Variants in C8orf34 observed in about 807,000 individuals in gnomAD.
The protein encoded by C8orf34 is chromosome 8 open reading frame 34, also known as uncharacterized protein C8orf34.
C8orf34 carries 65 observed loss-of-function variants against 68.3 expected under a neutral mutation model. The observed-to-expected ratio is 0.95, with a 90% CI of 0.78 to 1.17. The LOEUF is 1.17. C8orf34 is among the 50% of genes most tolerant of loss of function. The probability of loss-of-function intolerance (pLI) is 0.00; values close to 1 mark genes in which losing one functional copy is unlikely to be tolerated. For missense variants in C8orf34, 664 were observed against 655.4 expected (o/e 1.01, Z -0.14); for synonymous variants, 244 against 241.2 (o/e 1.01, Z -0.11).
At chr8:68,686,410 A>G (rs1277715858) in intron 8 of C8orf34, among the ~76,000 whole-genome samples, 1 of 152,158 alleles carries the variant, frequency 6.6e-6, no homozygotes, top group Non-Finnish European at 1.5e-5. Context: ...CAAATCCAAG[A>G]GCACATAAAA....
intron 11 of C8orf34, among the ~76,000 whole-genome samples, chr8:68,782,076 AAC>A (rs1161699721): frequency 6.6e-6 from 1 of 152,358 alleles, no homozygotes; most frequent in Non-Finnish European, 1.5e-5. Context: ...TTAAATTAAA[AAC>A]ACTTTTTCAT....
chr8:68,434,247 T>G (rs560653524), intron 1 of C8orf34, among the ~76,000 whole-genome samples: 8 of 152,322 alleles, frequency 5.3e-5, no homozygotes, highest in Admixed American at 2.6e-4. Flanking sequence ...ATGTAGGTTT[T>G]AAGTCCCGCA....
chr8:68,655,882 A>G (rs1819498067), intron 8 of C8orf34, among the ~76,000 whole-genome samples: 1 of 152,306 alleles, frequency 6.6e-6, no homozygotes, highest in South Asian at 2.1e-4. Context: ...GGCACTGGTA[A>G]TTATGCTGAA....
chr8:68,591,828 T>A (rs1367138724), intron 7 of C8orf34, among the ~76,000 whole-genome samples: 2 of 152,166 alleles, frequency 1.3e-5, no homozygotes, highest in African/African-American at 4.8e-5. Context: ...AATTTAAGAC[T>A]TAAAATGAAT....
chr8:68,492,123 C>T (rs1813337650), intron 5 of C8orf34, among the ~76,000 whole-genome samples: 1 of 152,208 alleles, frequency 6.6e-6, no homozygotes, highest in East Asian at 1.9e-4. Flanking sequence ...CTAAGACATG[C>T]CACAAGAAGA....
At chr8:68,676,031 C>T (rs2130859437) in intron 8 of C8orf34, among the ~76,000 whole-genome samples, 1 of 152,154 alleles carries the variant, frequency 6.6e-6, no homozygotes, top group South Asian at 2.1e-4. Context: ...GAGGATATAA[C>T]AATTGTAAAT....
At chr8:68,375,862 G>A (rs1807770690) in intron 1 of C8orf34, among the ~76,000 whole-genome samples, 1 of 152,126 alleles carries the variant, frequency 6.6e-6, no homozygotes, top group South Asian at 2.1e-4. Context: ...TTGCAGTGAA[G>A]CCAAAATCAT....
chr8:68,421,481 C>T (rs1167951854), intron 1 of C8orf34, among the ~76,000 whole-genome samples: 1 of 152,198 alleles, frequency 6.6e-6, no homozygotes, highest in Non-Finnish European at 1.5e-5. Flanking sequence ...TAGTGGCAAG[C>T]CCCAACTCCT....
intron 3 of C8orf34, among the ~76,000 whole-genome samples, chr8:68,460,086 C>T (rs1377398150): frequency 6.6e-6 from 1 of 152,188 alleles, no homozygotes; most frequent in Non-Finnish European, 1.5e-5. Context: ...CACTCCCACC[C>T]TAATACTGTG....
intron 12 of C8orf34, among the ~76,000 whole-genome samples, chr8:68,814,154 C>G (rs774411253): frequency 1.3e-5 from 2 of 152,148 alleles, no homozygotes. Flanking sequence ...CTACACTGAA[C>G]AGTGATGCTC....
At chr8:68,451,627 C>T (rs1015790030) in intron 3 of C8orf34, among the ~76,000 whole-genome samples, 3 of 152,052 alleles carry the variant, frequency 2.0e-5, no homozygotes, top group African/African-American at 7.2e-5. Context: ...AGAGAGAACA[C>T]ACACATTTAT....
chr8:68,667,674 T>A (rs1307413217), intron 8 of C8orf34, among the ~76,000 whole-genome samples: 2 of 152,160 alleles, frequency 1.3e-5, no homozygotes, highest in Admixed American at 6.6e-5. Context: ...GTATTCTAGA[T>A]CTATTTTAAC....
chr8:68,683,468 C>A (rs556154807), intron 8 of C8orf34, among the ~76,000 whole-genome samples: 31 of 151,834 alleles, frequency 2.0e-4, no homozygotes, highest in Non-Finnish European at 3.8e-4. Context: ...CAAGTGCTTG[C>A]AGAAGAACTA....
intron 8 of C8orf34, among the ~76,000 whole-genome samples, chr8:68,650,628 C>T (rs1386638904): frequency 8.6e-5 from 13 of 151,802 alleles, no homozygotes; most frequent in East Asian, 1.9e-4. Context: ...TACAGGCGCC[C>T]GCCACCACGC....
intron 7 of C8orf34, among the ~76,000 whole-genome samples, chr8:68,612,583 T>C (rs1016855524): frequency 2.0e-5 from 3 of 152,208 alleles, no homozygotes; most frequent in African/African-American, 7.2e-5. Context: ...ATTGTATTTC[T>C]CATCAGGACC....
chr8:68,394,026 C>T (rs1808582812), intron 1 of C8orf34, among the ~76,000 whole-genome samples: 1 of 151,798 alleles, frequency 6.6e-6, no homozygotes, highest in East Asian at 1.9e-4. Context: ...TTGGGGGCTT[C>T]GAGTGGAGGA....
intron 3 of C8orf34, among the ~76,000 whole-genome samples, chr8:68,449,850 A>G (rs1469393032): frequency 6.6e-6 from 1 of 152,090 alleles, no homozygotes; most frequent in Non-Finnish European, 1.5e-5. Context: ...AAATGAGACA[A>G]CAATGAAGTT....
chr8:68,469,792 T>A (rs574401454), intron 4 of C8orf34, among the ~76,000 whole-genome samples: 2 of 152,116 alleles, frequency 1.3e-5, no homozygotes, highest in South Asian at 4.1e-4. Context: ...ATCTCTATTT[T>A]TATTTTAGAT....
At chr8:68,737,669 AG>A (rs930834927) in intron 10 of C8orf34, among the ~76,000 whole-genome samples, 5 of 152,030 alleles carry the variant, frequency 3.3e-5, no homozygotes, top group African/African-American at 1.2e-4. Flanking sequence ...TTAAAAAAAA[AG>A]ACAAAGAAAG....
Sources: allele counts gnomAD v4.1 joint callset (sites outside exome capture counted in the v4.1 genomes callset), GRCh38; gene constraint gnomAD v4.1.1; transcripts MANE v1.5; gene names NCBI Gene and HGNC (gene_info 2026-07-23, HGNC 2026-07-21).